PHYH: variants seen among roughly 807,000 people sequenced by gnomAD.
The protein encoded by PHYH is phytanoyl-CoA dioxygenase, peroxisomal.
PHYH carries 32 observed loss-of-function variants against 38.5 expected under a neutral mutation model. That is an observed-to-expected ratio of 0.83 (90% confidence interval 0.63 to 1.12). The LOEUF is 1.12. Ranked by LOEUF, PHYH falls within the 50% of genes most tolerant of loss-of-function variation. The pLI, the probability that PHYH is intolerant of heterozygous loss-of-function variation, is 0.00. For synonymous variants in PHYH, 166 were observed against 157.9 expected (o/e 1.05, Z -0.38); for missense variants, 426 against 434.8 (o/e 0.98, Z 0.18).
At chr10:13,280,175 G>T (rs1009628466) in intron 8 of PHYH, among the ~76,000 whole-genome samples, 4 of 152,108 alleles carry the variant, frequency 2.6e-5, no homozygotes, top group Admixed American at 2.0e-4. Context: ...CACCATGTTG[G>T]CCAGGAAGGT....
chr10:13,295,504 T>C lies in PHYH; in HGVS notation c.237A>G (p.Gln79=), dbSNP rs1448609815. The C allele has an allele frequency of 6.7e-7, 1 of 1,491,836 alleles. No individual in the cohort carries two copies. The highest frequency in any genetic ancestry group is 1.7e-5 in the Admixed American group (1 of 59,876). The allele number at this position is 1,491,836 out of a possible 1,614,324, so 92.4% of individuals were successfully genotyped here. Reference sequence around the variant, plus strand: ...AAATAGTGTTACTGTACCGAAAGCGTTGAATATCGGCATCAGGTACAAGAT... The same window carrying C: ...AAATAGTGTTACTGTACCGAAAGCGCTGAATATCGGCATCAGGTACAAGAT... ...IKNLVPDADI[Q]RFRNEFEKIC... The change falls in exon 3 of 9, where the codon CAA becomes CAG. Residue 79 remains glutamine, a synonymous_variant. Transcript: ENST00000263038.
intron 2 of PHYH, among the ~76,000 whole-genome samples, chr10:13,297,226 AT>A (rs1412795685): frequency 3.9e-5 from 6 of 152,234 alleles, no homozygotes; most frequent in Non-Finnish European, 8.8e-5. Flanking sequence ...TAAATTGTAT[AT>A]TTTTAACTGT....
Position 13,288,342 on chromosome 10 carries a change from G to A in PHYH, c.678+18C>T. ...CGAAGGAGATTCGGATCAAGACTCAGCCGCCGGGCAGACCTACCTCCCACT... is the reference window on the plus strand; with the variant it reads ...CGAAGGAGATTCGGATCAAGACTCAACCGCCGGGCAGACCTACCTCCCACT... On this transcript the variant is annotated intron_variant, in intron 6 of 8. Coordinates refer to ENST00000263038, the MANE Select transcript of PHYH (RefSeq NM_006214.4). 6.2e-7 allele frequency: 1 copy of A among 1,612,304 alleles called. No homozygotes were observed. Among genetic ancestry groups the A allele is most frequent in the African/African-American group, 1.3e-5 (1 of 75,014 alleles).
In PHYH at chr10:13,294,077, C is replaced by T. The variant is rs924823215; in HGVS notation, c.414+351G>A. 3.3e-5 allele frequency among the ~76,000 whole-genome samples: 5 copies of T among 152,108 alleles called. No homozygotes were observed. In the East Asian group the frequency reaches 9.6e-4, roughly 29 times the overall value. On this transcript the variant is annotated intron_variant, in intron 4 of 8. Transcript: ENST00000263038. ...ATTAGCCAGGTGTGGTGGCAGGCAC[C>T]TGTAAACCTAGCTACTTGGGAGGCT...
chr10:13,292,599 T>C (rs1000983932), intron 4 of PHYH, among the ~76,000 whole-genome samples: 1 of 152,012 alleles, frequency 6.6e-6, no homozygotes, highest in African/African-American at 2.4e-5. Flanking sequence ...CGCTACCTTG[T>C]GTACAGAACC....
In PHYH at chr10:13,288,429, G is replaced by C. The variant is rs775543889; in HGVS notation, c.609C>G (p.Asn203Lys). 8 of 1,614,088 alleles carry C rather than the reference G, an allele frequency of 5.0e-6. No individual in the cohort carries two copies. The Admixed American group carries it at 1.3e-4, about 27-fold the overall frequency. Residue 203 changes from asparagine to lysine, a missense_variant, in exon 6 of 9, where the codon AAC becomes AAG. Physicochemically the swap from Asn to Lys is moderately conservative, Grantham distance 94. Transcript: ENST00000263038. ...TGCCTGGGAGCACAACCAGACAGCC[G>C]TTGTTCCGGCTGATGTGCTCCATCG... The part of the protein sequence containing the change: ...WTAMEHISRN[N>K]GCLVVLPGTH...
chr10:13,284,952 C>T (rs1835510502), intron 6 of PHYH, among the ~76,000 whole-genome samples: 1 of 152,122 alleles, frequency 6.6e-6, no homozygotes, highest in Non-Finnish European at 1.5e-5. Flanking sequence ...ATCATACCTC[C>T]CACTCTGCAT....
In PHYH at chr10:13,288,482, T is replaced by C; in HGVS notation, c.556A>G (p.Ser186Gly). ...GTCCAGGCGCAAACGATGAGATCGC[T>C]GGGCCTGAAGGGGAAATAGTGCAGG... ...QDLHYFPFRP[S>G]DLIVCAWTAM... Residue 186 changes from serine to glycine, a missense_variant, in exon 6 of 9, where the codon AGC (serine) becomes GGC (glycine). Physicochemically the swap from Ser to Gly is moderately conservative, Grantham distance 56 (BLOSUM62 0). Coordinates refer to ENST00000263038, the MANE Select transcript of PHYH (RefSeq NM_006214.4). 1 of 1,614,184 alleles carries C rather than the reference T, an allele frequency of 6.2e-7. No homozygotes were observed. Among genetic ancestry groups the C allele is most frequent in the African/African-American group, 1.3e-5 (1 of 75,058 alleles).
At chr10:13,297,539 G>C (rs1297626600) in intron 2 of PHYH, among the ~76,000 whole-genome samples, 2 of 152,062 alleles carry the variant, frequency 1.3e-5, no homozygotes, top group African/African-American at 4.8e-5. Flanking sequence ...CTGCAACCTT[G>C]ACTTCCAAGG....
intron 7 of PHYH, among the ~76,000 whole-genome samples, chr10:13,283,131 A>AT (rs398012850): frequency 0.4 from 47,452 of 117,506 alleles, 11,388 homozygotes; most frequent in Admixed American, 0.58. Context: ...TTCATAATCA[A>AT]TTTTTTTTTT....
chr10:13,285,436 G>A (rs536068587), intron 6 of PHYH, among the ~76,000 whole-genome samples: 4 of 151,836 alleles, frequency 2.6e-5, no homozygotes, highest in African/African-American at 7.2e-5. Context: ...CACCCGCCAC[G>A]GCCTCCCAAA....
Position 13,288,394 on chromosome 10 carries a change from C to A in PHYH, c.644G>T (p.Gly215Val), listed in dbSNP as rs1835608606. The A allele has an allele frequency of 1.9e-6, 3 of 1,613,992 alleles. No individual in the cohort carries two copies. In the East Asian group the frequency reaches 6.7e-5, roughly 36 times the overall value. Reference protein sequence around the residue: ...CLVVLPGTHKGSLKPHDYPKW... With the variant: ...CLVVLPGTHKVSLKPHDYPKW... ...GGGGTAATCGTGGGGCTTCAGGGAG[C>A]CCTTGTGTGTGCCTGGGAGCACAAC... Residue 215 changes from glycine (G) to valine (V), a missense_variant, in exon 6 of 9, where the codon GGC (glycine) becomes GTC (valine). Gly to Val is a moderately radical substitution (Grantham distance 109). Transcript: ENST00000263038.
At chr10:13,294,888 C>T (rs1347856240) in intron 3 of PHYH, 1 of 429,142 alleles carries the variant, frequency 2.3e-6, no homozygotes, top group Non-Finnish European at 4.3e-6. Flanking sequence ...ACCATGTGCC[C>T]AGCTCTCTTC....
chr10:13,291,758 C>A, intron 5 of PHYH, 73 bp downstream of exon 5: 1 of 959,896 alleles, frequency 1.0e-6, no homozygotes, highest in Non-Finnish European at 1.7e-6. Context: ...GGATTACAGG[C>A]ATGAGTTACT....
At chr10:13,278,783 G>A (rs1564418288) in intron 8 of PHYH, among the ~76,000 whole-genome samples, 1 of 152,072 alleles carries the variant, frequency 6.6e-6, no homozygotes, top group African/African-American at 2.4e-5. Context: ...GTCCGCCTTG[G>A]CCTTGCAAAG....
intron 1 of PHYH, 153 bp downstream of exon 1, chr10:13,299,815 A>T: frequency 1.5e-6 from 2 of 1,316,342 alleles, no homozygotes; most frequent in Non-Finnish European, 1.9e-6. Context: ...CTCCTGGAAG[A>T]GACGCGACCC....
chr10:13,296,433 G>A (rs186289544), intron 2 of PHYH, among the ~76,000 whole-genome samples: 2 of 151,498 alleles, frequency 1.3e-5, no homozygotes, highest in East Asian at 1.9e-4. Flanking sequence ...AAAAATTAGC[G>A]TGCCTGTAAT....
chr10:13,295,810 C>A (rs548586127), intron 2 of PHYH, among the ~76,000 whole-genome samples: 3 of 148,162 alleles, frequency 2.0e-5, no homozygotes, highest in South Asian at 4.4e-4. Context: ...CCAGCATGGG[C>A]GACAGAGTGA....
intron 5 of PHYH, among the ~76,000 whole-genome samples, chr10:13,289,417 G>A (rs1234438831): frequency 7.2e-5 from 11 of 151,958 alleles, no homozygotes. Flanking sequence ...GGATGGTCTT[G>A]ATCTCCTGAC....
Sources: gnomAD v4.1 joint callset for allele counts (sites outside exome capture counted in the v4.1 genomes callset) on GRCh38, gnomAD v4.1.1 for gene constraint, MANE v1.5 for transcripts, NCBI Gene and HGNC (gene_info 2026-07-23, HGNC 2026-07-21) for gene names.